AKT1: variants seen among roughly 807,000 people sequenced by gnomAD.
AKT1 encodes the protein AKT serine/threonine kinase 1.
In AKT1, 21 loss-of-function variants were observed where a neutral mutation model predicts 63.1. That is an observed-to-expected ratio of 0.33 (90% CI 0.24 to 0.48). The LOEUF is 0.48. Ranked by LOEUF, AKT1 falls within the 20% of genes least tolerant of loss-of-function variation. The pLI, the probability that AKT1 is intolerant of heterozygous loss-of-function variation, is 0.99. For synonymous variants in AKT1, 257 were observed against 253.1 expected (o/e 1.02, Z -0.15); for missense variants, 382 against 666.0 (o/e 0.57, Z 4.69).
Position 104,774,875 on chromosome 14 carries a change from G to C in AKT1, c.633+63C>G, listed in dbSNP as rs1892617029. The C allele has an allele frequency of 7.8e-6, 12 of 1,545,902 alleles. No homozygotes were observed. The East Asian group carries it at 1.3e-4, about 17-fold the overall frequency. ...CAAGAAGACAGGACATCGTCCCCTA[G>C]AGACAGCCCCAGGAGTCGCTACCTG... On this transcript the variant is annotated intron_variant, in intron 8 of 14. Coordinates refer to ENST00000649815, the MANE Select transcript of AKT1 (RefSeq NM_001382430.1).
intron 10 of AKT1, 37 bp downstream of exon 10, chr14:104,773,418 C>T: frequency 6.2e-7 from 1 of 1,613,954 alleles, no homozygotes; most frequent in East Asian, 2.2e-5. Context: ...CCGCCAGGCC[C>T]CCAGGGCCCT....
chr14:104,776,629 T>G, intron 5 of AKT1, 30 bp downstream of exon 5: 1 of 1,599,282 alleles, frequency 6.3e-7, no homozygotes, highest in Non-Finnish European at 8.5e-7. Context: ...GCTGCCCAAG[T>G]GCCTGGCCTG....
intron 4 of AKT1, chr14:104,777,726 G>A (rs1363081862): frequency 7.1e-6 from 7 of 985,562 alleles, no homozygotes; most frequent in Non-Finnish European, 8.4e-6. Flanking sequence ...GGGGCCAGTG[G>A]GGGGCCTCTG....
chr14:104,769,621 C>A lies in AKT1; in HGVS notation c.*720G>T. 1.9e-6 allele frequency: 1 copy of A among 521,598 alleles called. No homozygotes were observed. The highest frequency in any genetic ancestry group is 3.7e-6 in the Non-Finnish European group (1 of 270,890). 32.3% of individuals were successfully genotyped at this position (521,598 alleles called of 1,614,324 possible). A position where few individuals can be genotyped will look rare whatever the true frequency, so the allele number is the denominator to read the frequency against. Reference sequence around the variant, plus strand: ...GGGAGGCTCCCGGTGGGACAGTCACCAAGAACTGTGACACAGAAGGGGAAG... The same window carrying A: ...GGGAGGCTCCCGGTGGGACAGTCACAAAGAACTGTGACACAGAAGGGGAAG... On this transcript the variant is annotated 3_prime_UTR_variant, in exon 15 of 15. Coordinates refer to ENST00000649815, the MANE Select transcript of AKT1 (RefSeq NM_001382430.1).
At chr14:104,790,025 G>C (rs918447095) in intron 3 of AKT1, among the ~76,000 whole-genome samples, 56 of 152,200 alleles carry the variant, frequency 3.7e-4, no homozygotes, top group Admixed American at 3.6e-3. Context: ...GCAGGAGAAG[G>C]AGCCTGCAGA....
chr14:104,785,611 C>A (rs545908654), intron 3 of AKT1, among the ~76,000 whole-genome samples: 1 of 152,308 alleles, frequency 6.6e-6, no homozygotes, highest in Admixed American at 6.5e-5. Flanking sequence ...TGCCCATCAG[C>A]TCCCTGGGAA....
Position 104,783,802 on chromosome 14 carries a change from G to A in AKT1, c.47-3586C>T, listed in dbSNP as rs1047762949. Among the ~76,000 whole-genome samples the A allele has an allele frequency of 4.6e-5, 7 of 152,288 alleles. No individual in the cohort carries two copies. The South Asian group carries it at 8.3e-4, about 18-fold the overall frequency. ...CTCAAGAACCCCCAAGTCCCCACCC[G>A]CTGCACATGTTTCAGACCCGGGACC... On this transcript the variant is annotated intron_variant, in intron 3 of 14. Coordinates refer to ENST00000649815, the MANE Select transcript of AKT1 (RefSeq NM_001382430.1).
At chr14:104,781,916 C>T (rs1306600033) in intron 3 of AKT1, among the ~76,000 whole-genome samples, 1 of 152,194 alleles carries the variant, frequency 6.6e-6, no homozygotes, top group Admixed American at 6.5e-5. Flanking sequence ...TCAGGAGACC[C>T]CACCCACTCC....
At chr14:104,785,844 C>T (rs965915026) in intron 3 of AKT1, among the ~76,000 whole-genome samples, 6 of 152,112 alleles carry the variant, frequency 3.9e-5, no homozygotes, top group African/African-American at 7.2e-5. Context: ...GAGGCACAGC[C>T]GGAGGCGCTG....
At chr14:104,776,085 C>CT in intron 5 of AKT1, 1 of 342,142 alleles carries the variant, frequency 2.9e-6, no homozygotes, top group South Asian at 3.9e-5. Context: ...ACTCCGCCCC[C>CT]CCCAAGCAGG....
At chr14:104,781,657 G>A (rs779064827) in intron 3 of AKT1, among the ~76,000 whole-genome samples, 1 of 152,164 alleles carries the variant, frequency 6.6e-6, no homozygotes, top group Non-Finnish European at 1.5e-5. Context: ...ACGGGGCGTG[G>A]TCTCCACAAG....
At chr14:104,792,562 C>T (rs776252691) in intron 3 of AKT1, 36 bp downstream of exon 3, 1 of 1,611,018 alleles carries the variant, frequency 6.2e-7, no homozygotes, top group Admixed American at 1.7e-5. Flanking sequence ...CCCCATCTCT[C>T]CCTCCCCAGG....
intron 9 of AKT1, 89 bp downstream of exon 9, chr14:104,773,823 G>T: frequency 7.2e-7 from 1 of 1,383,584 alleles, no homozygotes; most frequent in African/African-American, 1.4e-5. Flanking sequence ...CTGGTGCCAT[G>T]GAGAGTAGCC....
At chr14:104,782,994 C>T (rs1037595711) in intron 3 of AKT1, among the ~76,000 whole-genome samples, 1 of 152,148 alleles carries the variant, frequency 6.6e-6, no homozygotes, top group African/African-American at 2.4e-5. Flanking sequence ...GCGGCAGGGC[C>T]CCACTACTCC....
At chr14:104,776,575 G>A in intron 5 of AKT1, 84 bp downstream of exon 5, 1 of 1,214,702 alleles carries the variant, frequency 8.2e-7, no homozygotes, top group Non-Finnish European at 1.2e-6. Flanking sequence ...TACAGGCAGA[G>A]GTGCCAGCAC....
chr14:104,772,337 C>T (rs777714957), intron 13 of AKT1, 28 bp downstream of exon 13: 6 of 1,611,358 alleles, frequency 3.7e-6, no homozygotes, highest in Admixed American at 3.3e-5. Flanking sequence ...AGCATGCGTG[C>T]GCGTGAATAT....
Position 104,773,562 on chromosome 14 carries a change from G to C in AKT1, c.721C>G (p.Arg241Gly). ...CGGTCCTCGGAGAACACACGCTCCC[G>C]GGACAGGTGGAAGAACAGCTGCGGG... ...NGGELFFHLS[R>G]ERVFSEDRAR... Residue 241 changes from arginine to glycine, a missense_variant, in exon 10 of 15, where the codon CGG becomes GGG. Arg to Gly is a moderately radical substitution (Grantham distance 125). Coordinates refer to ENST00000649815, the MANE Select transcript of AKT1 (RefSeq NM_001382430.1). The C allele has an allele frequency of 6.2e-7, 1 of 1,607,206 alleles. No individual in the cohort carries two copies. The highest frequency in any genetic ancestry group is 8.5e-7 in the Non-Finnish European group (1 of 1,177,330).
intron 5 of AKT1, chr14:104,776,150 G>A (rs192766210): frequency 3.4e-5 from 8 of 237,374 alleles, no homozygotes; most frequent in Non-Finnish European, 4.9e-5. Context: ...CCTCTCCACC[G>A]GGTTTTTCTT....
intron 1 of AKT1, chr14:104,793,667 C>G (rs577494399): frequency 6.0e-6 from 1 of 167,526 alleles, no homozygotes; most frequent in Admixed American, 6.4e-5. Flanking sequence ...CAGCGGCCCA[C>G]CAGCCAACCC....
Sources: gnomAD v4.1 joint callset for allele counts (sites outside exome capture counted in the v4.1 genomes callset) on GRCh38, gnomAD v4.1.1 for gene constraint, MANE v1.5 for transcripts, NCBI Gene and HGNC (gene_info 2026-07-23, HGNC 2026-07-21) for gene names.